The following CDKAL1 variants were observed in gnomAD, a reference collection of about 807,000 sequenced individuals.
CDKAL1 encodes the protein threonylcarbamoyladenosine tRNA methylthiotransferase.
A neutral mutation model predicts 68.2 loss-of-function variants in CDKAL1; 32 were observed. The observed-to-expected ratio is 0.47, with a 90% CI of 0.35 to 0.63. CDKAL1 has a LOEUF of 0.63. CDKAL1 is among the 30% of genes least tolerant of loss of function. The pLI is 0.00. For synonymous variants in CDKAL1, 234 were observed against 244.3 expected (o/e 0.96, Z 0.39); for missense variants, 606 against 696.7 (o/e 0.87, Z 1.47).
At chr6:20,814,689 T>A (rs1029289885) in intron 8 of CDKAL1, among the ~76,000 whole-genome samples, 1 of 152,244 alleles carries the variant, frequency 6.6e-6, no homozygotes, top group African/African-American at 2.4e-5. Flanking sequence ...CTCTGCTCAA[T>A]GCCCTATGTA....
intron 9 of CDKAL1, among the ~76,000 whole-genome samples, chr6:20,949,865 C>T (rs1217448031): frequency 6.6e-6 from 1 of 152,104 alleles, no homozygotes; most frequent in East Asian, 1.9e-4. Flanking sequence ...TCTCAGTTTA[C>T]TGCATCCCCC....
intron 13 of CDKAL1, chr6:21,135,505 G>C (rs975891323): frequency 6.3e-6 from 1 of 157,826 alleles, no homozygotes; most frequent in Non-Finnish European, 1.4e-5. Flanking sequence ...GAATACATGT[G>C]TTTCCTGGTG....
intron 11 of CDKAL1, among the ~76,000 whole-genome samples, chr6:21,034,166 AAAAC>A (rs1401664512): frequency 6.6e-6 from 1 of 152,196 alleles, no homozygotes; most frequent in African/African-American, 2.4e-5. Flanking sequence ...AGCAGGGACA[AAAAC>A]AAAGCCCGTC....
intron 6 of CDKAL1, among the ~76,000 whole-genome samples, chr6:20,757,016 C>T (rs748052175): frequency 2.0e-4 from 30 of 151,480 alleles, no homozygotes; most frequent in Non-Finnish European, 3.2e-4. Flanking sequence ...TCACTACAAC[C>T]TCCACCTCCC....
chr6:20,995,379 T>C (rs1767048764), intron 10 of CDKAL1, among the ~76,000 whole-genome samples: 1 of 152,380 alleles, frequency 6.6e-6, no homozygotes, highest in East Asian at 1.9e-4. Flanking sequence ...GGAATCACTA[T>C]GGCAGTTATA....
chr6:21,226,483 T>C (rs74519255), intron 15 of CDKAL1, among the ~76,000 whole-genome samples: 3,209 of 152,334 alleles, frequency 0.021, 112 homozygotes, highest in African/African-American at 0.073. Flanking sequence ...TTAATCAAAG[T>C]TAACACAGAA....
intron 9 of CDKAL1, among the ~76,000 whole-genome samples, chr6:20,927,172 G>A (rs1763226839): frequency 6.6e-6 from 1 of 152,076 alleles, no homozygotes; most frequent in African/African-American, 2.4e-5. Context: ...TGTTTAAACA[G>A]CGCCTTTCTT....
intron 13 of CDKAL1, among the ~76,000 whole-genome samples, chr6:21,197,470 T>C (rs1298140994): frequency 6.6e-6 from 1 of 152,238 alleles, no homozygotes; most frequent in African/African-American, 2.4e-5. Flanking sequence ...TAAATAGCTC[T>C]GTGAATTACT....
At chr6:21,222,296 T>C (rs1170073945) in intron 15 of CDKAL1, among the ~76,000 whole-genome samples, 1 of 152,116 alleles carries the variant, frequency 6.6e-6, no homozygotes, top group East Asian at 1.9e-4. Flanking sequence ...AAGGGAAAAA[T>C]GTCGCATGAA....
In CDKAL1 at chr6:20,758,582, T is replaced by C; in HGVS notation, c.469-13T>C. On this transcript the variant is annotated splice_polypyrimidine_tract_variant and intron_variant, in intron 6 of 15. Coordinates refer to ENST00000274695, the MANE Select transcript of CDKAL1 (RefSeq NM_017774.3). ...TGTAAATTACTTGTGTAATCGTTTT[T>C]TTTTTTTTCCAGGTTCAGCAGATAG... 1 of 1,597,186 alleles carries C rather than the reference T, an allele frequency of 6.3e-7. No individual in the cohort carries two copies. Among genetic ancestry groups the C allele is most frequent in the East Asian group, 2.2e-5 (1 of 44,754 alleles).
intron 13 of CDKAL1, among the ~76,000 whole-genome samples, chr6:21,173,373 T>A (rs1300356849): frequency 2.6e-5 from 4 of 152,340 alleles, no homozygotes; most frequent in Non-Finnish European, 4.4e-5. Context: ...TTGTTTGGAC[T>A]TTAATTCAGT....
chr6:21,080,488 G>C (rs1772328283), intron 12 of CDKAL1, among the ~76,000 whole-genome samples: 1 of 152,192 alleles, frequency 6.6e-6, no homozygotes, highest in African/African-American at 2.4e-5. Flanking sequence ...TCACCAGTAA[G>C]AACTCTATTA....
chr6:20,847,632 AT>A (rs1049453479), intron 9 of CDKAL1, among the ~76,000 whole-genome samples: 1 of 152,118 alleles, frequency 6.6e-6, no homozygotes, highest in African/African-American at 2.4e-5. Context: ...GAAAGTGAAA[AT>A]CTCCTCTTCA....
chr6:20,944,689 A>G (rs760529740), intron 9 of CDKAL1, among the ~76,000 whole-genome samples: 105 of 152,214 alleles, frequency 6.9e-4, no homozygotes, highest in Non-Finnish European at 1.2e-3. Context: ...CAGAGTCAAC[A>G]GTTTGTACTG....
intron 4 of CDKAL1, among the ~76,000 whole-genome samples, chr6:20,572,884 A>G (rs1764761344): frequency 6.6e-6 from 1 of 152,178 alleles, no homozygotes; most frequent in South Asian, 2.1e-4. Flanking sequence ...AAAAAAAGAA[A>G]AAAACTAGGC....
intron 8 of CDKAL1, among the ~76,000 whole-genome samples, chr6:20,823,177 T>G (rs1244692154): frequency 2.0e-5 from 3 of 152,154 alleles, no homozygotes; most frequent in African/African-American, 7.2e-5. Context: ...TTTGTGAAAT[T>G]CCACTTTCTT....
chr6:20,959,886 A>T (rs1270793803), intron 10 of CDKAL1, among the ~76,000 whole-genome samples: 1 of 152,230 alleles, frequency 6.6e-6, no homozygotes, highest in African/African-American at 2.4e-5. Context: ...CTACAGCTAA[A>T]GTATTAATTC....
At chr6:20,785,556 C>T (rs969435097) in intron 8 of CDKAL1, among the ~76,000 whole-genome samples, 1 of 152,020 alleles carries the variant, frequency 6.6e-6, no homozygotes, top group Non-Finnish European at 1.5e-5. Flanking sequence ...TGTGATCCAC[C>T]CACCTCAGCC....
chr6:21,106,086 G>A (rs1773830687), intron 12 of CDKAL1, among the ~76,000 whole-genome samples: 1 of 152,176 alleles, frequency 6.6e-6, no homozygotes, highest in Admixed American at 6.5e-5. Flanking sequence ...GGTAATAAAT[G>A]TGTGTACTGT....
Sources: allele counts gnomAD v4.1 joint callset (sites outside exome capture counted in the v4.1 genomes callset), GRCh38; gene constraint gnomAD v4.1.1; transcripts MANE v1.5; gene names NCBI Gene and HGNC (gene_info 2026-07-23, HGNC 2026-07-21).